Variants in GAS6 observed in about 807,000 individuals in gnomAD.
GAS6 encodes the protein growth arrest-specific protein 6.
GAS6 carries 41 observed loss-of-function variants against 75.8 expected under a neutral mutation model. The observed-to-expected ratio is 0.54, with a 90% confidence interval of 0.42 to 0.70. The LOEUF is 0.70. Ranked by LOEUF, GAS6 falls within the 30% of genes least tolerant of loss-of-function variation. The pLI is 0.00. For synonymous variants in GAS6, 432 were observed against 412.6 expected, an observed-to-expected ratio of 1.05 and a Z score of -0.57; for missense variants, 854 against 940.2, an observed-to-expected ratio of 0.91 and a Z score of 1.20.
At chr13:113,853,131 G>A (rs1241479127) in intron 2 of GAS6, among the ~76,000 whole-genome samples, 2 of 152,230 alleles carry the variant, frequency 1.3e-5, no homozygotes, top group Non-Finnish European at 2.9e-5. Context: ...TCCATGCGGT[G>A]ATGGCACACA....
At position 113,863,754 on chromosome 13, in the gene GAS6, A is replaced by G. The variant is rs1175200675; in HGVS notation, c.89-13T>C. 1 of 1,481,124 alleles carries G rather than the reference A, an allele frequency of 6.8e-7. No individual in the cohort carries two copies. The highest frequency in any genetic ancestry group is 8.9e-7 in the Non-Finnish European group (1 of 1,122,484). The allele number at this position is 1,481,124 out of a possible 1,614,324, so 91.7% of individuals were successfully genotyped here. ...GGCAACAGCGCGGCTGCCCGGAGGG[A>G]GAGAGGGGGACGCGTCAAGCCGCGC... is the stretch of plus-strand genomic sequence containing the variant. On this transcript the variant is annotated splice_polypyrimidine_tract_variant and intron_variant, in intron 1 of 14. Transcript: ENST00000327773. This position sits in a 1 kb window ranked among gnomAD's most constrained non-coding sequence, Gnocchi z 9.4.
intron 6 of GAS6, chr13:113,835,878 C>G (rs920288704): frequency 5.5e-6 from 7 of 1,281,922 alleles, no homozygotes; most frequent in Non-Finnish European, 9.9e-7. Flanking sequence ...AGGTGGAGAG[C>G]TGGGAAGGGC....
At chr13:113,861,459 T>C (rs1400710096) in intron 2 of GAS6, among the ~76,000 whole-genome samples, 1 of 152,180 alleles carries the variant, frequency 6.6e-6, no homozygotes, top group Non-Finnish European at 1.5e-5. Context: ...TTTTCCTCAA[T>C]CAGCCGCACT....
chr13:113,852,781 C>T (rs555001026), intron 2 of GAS6, among the ~76,000 whole-genome samples: 3 of 152,332 alleles, frequency 2.0e-5, no homozygotes, highest in Admixed American at 6.5e-5. Context: ...GGGTCGGCCT[C>T]GGGGACCAGG....
At chr13:113,862,798 C>T (rs1236204610) in intron 2 of GAS6, among the ~76,000 whole-genome samples, 1 of 152,184 alleles carries the variant, frequency 6.6e-6, no homozygotes, top group Non-Finnish European at 1.5e-5. Context: ...TCCAGCAGAA[C>T]GGAAAACTTC....
At chr13:113,856,858 T>C (rs1022943211) in intron 2 of GAS6, among the ~76,000 whole-genome samples, 1 of 152,184 alleles carries the variant, frequency 6.6e-6, no homozygotes, top group Non-Finnish European at 1.5e-5. Context: ...ACGGTCAACT[T>C]AGCAATTCAG....
At chr13:113,821,710 G>C (rs1034927796) in intron 14 of GAS6, 51 of 497,966 alleles carry the variant, frequency 1.0e-4, no homozygotes, top group African/African-American at 9.5e-4. Flanking sequence ...ATGCAGGTTC[G>C]TGGGGCCTGA....
intron 8 of GAS6, 180 bp from the exon 9 acceptor site, chr13:113,832,932 G>A (rs1029373481): frequency 6.7e-7 from 1 of 1,489,990 alleles, no homozygotes; most frequent in African/African-American, 1.4e-5. Flanking sequence ...ACTCCCAGGT[G>A]AAGGGCGGGC....
chr13:113,832,513 T>C, intron 9 of GAS6, 25 bp from the exon 10 acceptor site: 2 of 1,593,878 alleles, frequency 1.3e-6, no homozygotes, highest in Non-Finnish European at 1.7e-6. Context: ...GAGAAATGAG[T>C]CAGCACTGGG....
At chr13:113,859,184 TTG>T (rs1202094108) in intron 2 of GAS6, among the ~76,000 whole-genome samples, 7 of 140,958 alleles carry the variant, frequency 5.0e-5, no homozygotes, top group Non-Finnish European at 4.7e-5. Flanking sequence ...GTATGTGCCT[TTG>T]TGTGTGCATG....
intron 5 of GAS6, chr13:113,839,456 G>T: frequency 2.4e-6 from 1 of 409,516 alleles, no homozygotes; most frequent in Non-Finnish European, 4.3e-6. Context: ...CTCAAGGACG[G>T]TCAGAGGTGA....
rs776924449 is a variant in GAS6, at chr13:113,837,270, T to C, written c.589+799A>G. ...CAGAAATAGCAGCTGCCTTTTGAAATCGGGGGATGGGGTGTGGCCCCTCCT... is the reference window on the plus strand; with the variant it reads ...CAGAAATAGCAGCTGCCTTTTGAAACCGGGGGATGGGGTGTGGCCCCTCCT... On this transcript the variant is annotated intron_variant, in intron 6 of 14. Coordinates refer to ENST00000327773, the MANE Select transcript of GAS6 (RefSeq NM_000820.4). The surrounding 1 kb of genome is among the most constrained non-coding windows in gnomAD (Gnocchi z 5.1). 6.6e-6 allele frequency among the ~76,000 whole-genome samples: 1 copy of C among 151,960 alleles called. No homozygotes were observed. The highest frequency in any genetic ancestry group is 1.5e-5 in the Non-Finnish European group (1 of 67,946).
intron 8 of GAS6, chr13:113,833,384 A>G (rs1309338837): frequency 2.3e-5 from 23 of 993,328 alleles, no homozygotes; most frequent in East Asian, 1.1e-4. Context: ...CAGACCCAAG[A>G]GCCCCACGGC....
chr13:113,864,034 C>A lies in GAS6; in HGVS notation c.-114G>T. ...GGCGGCCCTGAAGGTCACATCGCGG[C>A]GGCGGCGGCGGCGGCGGCTGCGGCA... On this transcript the variant is annotated 5_prime_UTR_variant, in exon 1 of 15. Transcript: ENST00000327773. 3 of 959,526 alleles carry A rather than the reference C, an allele frequency of 3.1e-6. No individual in the cohort carries two copies. The highest frequency in any genetic ancestry group is 3.7e-6 in the Non-Finnish European group (3 of 803,274). 59.4% of individuals were successfully genotyped at this position (959,526 alleles called of 1,614,324 possible). A position where few individuals can be genotyped will look rare whatever the true frequency, so the allele number is the denominator to read the frequency against.
In GAS6 at chr13:113,863,537, C is replaced by G. The variant is rs890079571; in HGVS notation, c.255+38G>C. On this transcript the variant is annotated intron_variant, in intron 2 of 14. Transcript: ENST00000327773. The surrounding 1 kb of genome is among the most constrained non-coding windows in gnomAD (Gnocchi z 9.4). ...GGGAGCGGTTGGAGGCGCGCGGGCG[C>G]CAGGGGTTCCCCCGCATCCCGCCCG... 2.0e-6 allele frequency: 3 copies of G among 1,486,224 alleles called. No individual in the cohort carries two copies. In the African/African-American group the frequency reaches 4.4e-5, roughly 22 times the overall value. The allele number at this position is 1,486,224 out of a possible 1,614,324, so 92.1% of individuals were successfully genotyped here.
chr13:113,836,131 G>A, intron 6 of GAS6: 1 of 898,482 alleles, frequency 1.1e-6, no homozygotes, highest in Non-Finnish European at 1.3e-6. Flanking sequence ...CCCTGGGGTA[G>A]GAGGGGCAAC....
chr13:113,837,377 T>TGGACAGTC lies in GAS6; in HGVS notation c.589+684_589+691dup, dbSNP rs887124955. Among the ~76,000 whole-genome samples, 2 of 152,084 alleles carry TGGACAGTC rather than the reference T, an allele frequency of 1.3e-5. No homozygotes were observed. Among genetic ancestry groups the TGGACAGTC allele is most frequent in the African/African-American group, 4.8e-5 (2 of 41,396 alleles). On this transcript the variant is annotated intron_variant, in intron 6 of 14. Transcript: ENST00000327773. The surrounding 1 kb of genome is among the most constrained non-coding windows in gnomAD (Gnocchi z 5.1). Reference sequence around the variant, plus strand: ...GTCCTGTCCACGCAGTTCGGTGTCCTGGACAGTCAGCAGCAGCGCTAAGAA... The same window carrying TGGACAGTC: ...GTCCTGTCCACGCAGTTCGGTGTCCTGGACAGTCGGACAGTCAGCAGCAGCGCTAAGAA...
intron 2 of GAS6, among the ~76,000 whole-genome samples, chr13:113,857,657 C>A (rs1440460969): frequency 2.6e-5 from 4 of 152,212 alleles, no homozygotes; most frequent in Non-Finnish European, 4.4e-5. Context: ...AAGCTTAACG[C>A]CCCTTTACTC....
In GAS6 at chr13:113,849,173, G is replaced by A. The variant is rs2051855919; in HGVS notation, c.256-1123C>T. Among the ~76,000 whole-genome samples, 4 of 152,292 alleles carry A rather than the reference G, an allele frequency of 2.6e-5. No individual in the cohort carries two copies. In the South Asian group the frequency reaches 8.3e-4, roughly 32 times the overall value. On this transcript the variant is annotated intron_variant, in intron 2 of 14. Coordinates refer to ENST00000327773, the MANE Select transcript of GAS6 (RefSeq NM_000820.4). ...CACAAAGTTGTGTTCTAGGAAAGATGGGATGCTCTTAAACTCTTACTCCCT... is the reference window on the plus strand; with the variant it reads ...CACAAAGTTGTGTTCTAGGAAAGATAGGATGCTCTTAAACTCTTACTCCCT...
Sources: allele counts gnomAD v4.1 joint callset (sites outside exome capture counted in the v4.1 genomes callset), GRCh38; gene constraint gnomAD v4.1.1; non-coding constraint Gnocchi (gnomAD v3.1); transcripts MANE v1.5; gene names NCBI Gene and HGNC (gene_info 2026-07-23, HGNC 2026-07-21).